Variants in PDE10A observed in about 807,000 individuals in gnomAD.
The protein encoded by PDE10A is cAMP and cAMP-inhibited cGMP 3',5'-cyclic phosphodiesterase 10A.
A neutral mutation model predicts 97.7 loss-of-function variants in PDE10A; 39 were observed. The ratio of observed to expected loss-of-function variants is 0.40; its 90% CI spans 0.31 to 0.52. PDE10A has a LOEUF of 0.52. Among genes scored for constraint, PDE10A ranks in the 20% least tolerant of loss-of-function variants. PDE10A has a pLI of 0.56. For synonymous variants in PDE10A, 371 were observed against 376.8 expected, an observed-to-expected ratio of 0.98 and a Z score of 0.18; for missense variants, 731 against 1,047.8, an observed-to-expected ratio of 0.70 and a Z score of 4.17.
chr6:165,885,922 A>T (rs918219305), intron 1 of PDE10A, among the ~76,000 whole-genome samples: 1 of 152,220 alleles, frequency 6.6e-6, no homozygotes, highest in African/African-American at 2.4e-5. Flanking sequence ...CTTACAGATA[A>T]GTAAGTTTAA....
chr6:165,751,437 G>A (rs561796077), intron 1 of PDE10A, among the ~76,000 whole-genome samples: 1 of 152,306 alleles, frequency 6.6e-6, no homozygotes, highest in African/African-American at 2.4e-5. Flanking sequence ...CCTTTGAGAT[G>A]AGGCCATGAA....
At position 165,398,190 on chromosome 6, in the gene PDE10A, A is replaced by C. The variant is rs541820883; in HGVS notation, c.2077-1731T>G. ...TGTTTGAGAAACATATTCCTTAAGA[A>C]GTATGTCGATCCAAATGGAATAAAG... On this transcript the variant is annotated intron_variant, in intron 13 of 21. Transcript: ENST00000539869. Among the ~76,000 whole-genome samples the C allele has an allele frequency of 3.9e-5, 6 of 152,288 alleles. No individual in the cohort carries two copies. In the East Asian group the frequency reaches 1.2e-3, roughly 29 times the overall value.
chr6:165,939,069 A>C (rs1339898945), intron 1 of PDE10A, among the ~76,000 whole-genome samples: 1 of 152,262 alleles, frequency 6.6e-6, no homozygotes, highest in Non-Finnish European at 1.5e-5. Flanking sequence ...CAAAGAATTA[A>C]TTAGAATATA....
At chr6:165,685,934 G>A (rs1481291748) in intron 1 of PDE10A, among the ~76,000 whole-genome samples, 1 of 152,110 alleles carries the variant, frequency 6.6e-6, no homozygotes, top group Non-Finnish European at 1.5e-5. Flanking sequence ...TGGACAAGTG[G>A]TAACAGAAGC....
chr6:165,854,197 G>C (rs905226498), intron 1 of PDE10A, among the ~76,000 whole-genome samples: 1 of 152,222 alleles, frequency 6.6e-6, no homozygotes, highest in Non-Finnish European at 1.5e-5. Flanking sequence ...TGATGAACCC[G>C]GAGACCCGGC....
intron 2 of PDE10A, among the ~76,000 whole-genome samples, chr6:165,522,090 G>C (rs1782162607): frequency 6.6e-6 from 1 of 152,048 alleles, no homozygotes; most frequent in African/African-American, 2.4e-5. Context: ...GGACACTTTT[G>C]CTGCTTCCAC....
Position 165,418,899 on chromosome 6 carries a change from A to T in PDE10A, c.1654-122T>A, listed in dbSNP as rs1788503411. On this transcript the variant is annotated intron_variant, in intron 10 of 21. Coordinates refer to ENST00000539869, the MANE Select transcript of PDE10A (RefSeq NM_001385079.1). This position sits in a 1 kb window ranked among gnomAD's most constrained non-coding sequence, Gnocchi z 4.8. ...TATACTCTAATTGGTTGGTATTAGC[A>T]TTATAAGTAAATAAATATACAAGTA... is the stretch of plus-strand genomic sequence containing the variant. 1 of 693,822 alleles carries T rather than the reference A, an allele frequency of 1.4e-6. No homozygotes were observed. Among genetic ancestry groups the T allele is most frequent in the Non-Finnish European group, 2.4e-6 (1 of 412,150 alleles). 43.0% of individuals were successfully genotyped at this position (693,822 alleles called of 1,614,324 possible).
In PDE10A at chr6:165,343,415, A is replaced by G. The variant is rs777144609; in HGVS notation, c.2871T>C (p.Asp957=). 6.2e-7 allele frequency: 1 copy of G among 1,613,490 alleles called. No homozygotes were observed. The highest frequency in any genetic ancestry group is 8.5e-7 in the Non-Finnish European group (1 of 1,179,472). ...LWPVTKLTAN[D]IYAEFWAEGD... ...CCTCAGCCCAGAATTCTGCATATATATCATTTGCCGTCAATTTTGTAACGG... is the reference window on the plus strand; with the variant it reads ...CCTCAGCCCAGAATTCTGCATATATGTCATTTGCCGTCAATTTTGTAACGG... Residue 957 remains aspartate (D), a synonymous_variant, in exon 19 of 22, where the codon GAT becomes GAC. Coordinates refer to ENST00000539869, the MANE Select transcript of PDE10A (RefSeq NM_001385079.1).
intron 1 of PDE10A, among the ~76,000 whole-genome samples, chr6:165,784,306 C>T (rs1340242519): frequency 1.3e-5 from 2 of 152,078 alleles, no homozygotes; most frequent in South Asian, 4.2e-4. Context: ...CCACTTCAGC[C>T]ATCCTAACCT....
intron 1 of PDE10A, among the ~76,000 whole-genome samples, chr6:165,577,950 C>A (rs896718722): frequency 3.9e-5 from 6 of 152,162 alleles, no homozygotes; most frequent in Non-Finnish European, 8.8e-5. Context: ...AAACATGGGC[C>A]CTGCCACTCC....
intron 1 of PDE10A, among the ~76,000 whole-genome samples, chr6:165,833,420 G>A (rs187538523): frequency 3.9e-5 from 6 of 152,358 alleles, no homozygotes; most frequent in African/African-American, 1.4e-4. Flanking sequence ...CAGAGAGGAC[G>A]CAGAGGAGGC....
chr6:165,578,715 G>A (rs1006119675), intron 1 of PDE10A, among the ~76,000 whole-genome samples: 4 of 151,980 alleles, frequency 2.6e-5, no homozygotes, highest in African/African-American at 4.8e-5. Context: ...TATAAAGTCC[G>A]TCTCTCCAAT....
At chr6:165,417,829 A>G (rs1416056715) in intron 11 of PDE10A, among the ~76,000 whole-genome samples, 1 of 152,214 alleles carries the variant, frequency 6.6e-6, no homozygotes, top group African/African-American at 2.4e-5. Flanking sequence ...CCAAATAAAC[A>G]GCAATCCTTA....
intron 1 of PDE10A, among the ~76,000 whole-genome samples, chr6:165,800,128 A>C (rs1443683110): frequency 1.3e-5 from 2 of 152,204 alleles, no homozygotes; most frequent in Admixed American, 6.5e-5. Context: ...TTACAGTTTC[A>C]TAAAACTAGG....
rs764615805 is a variant in PDE10A, at chr6:165,430,304, G to C, written c.1584C>G (p.Phe528Leu). The C allele has an allele frequency of 6.2e-7, 1 of 1,608,596 alleles. No homozygotes were observed. Among genetic ancestry groups the C allele is most frequent in the South Asian group, 1.1e-5 (1 of 90,752 alleles). The change falls in exon 9 of 22, where the codon TTC becomes TTG. Residue 528 changes from phenylalanine to leucine, a missense_variant. Physicochemically the swap from Phe to Leu is conservative, Grantham distance 22. Transcript: ENST00000539869. The part of the protein sequence containing the change: ...GLAKQTELND[F>L]LLDVSKTYFD... ...ACACTTACTTTGATACGTCGAGTAG[G>C]AAGTCATTCAATTCTGTCTGTTTGG...
intron 1 of PDE10A, among the ~76,000 whole-genome samples, chr6:165,898,942 T>G (rs1562788853): frequency 6.6e-6 from 1 of 152,246 alleles, no homozygotes; most frequent in Non-Finnish European, 1.5e-5. Context: ...TCTTTGGGTC[T>G]CTTCTCAAAA....
intron 3 of PDE10A, among the ~76,000 whole-genome samples, chr6:165,472,932 G>A (rs1046830762): frequency 2.6e-5 from 4 of 152,134 alleles, no homozygotes; most frequent in African/African-American, 9.7e-5. Context: ...AACAGTGTGT[G>A]TTAAGTGTCA....
intron 1 of PDE10A, among the ~76,000 whole-genome samples, chr6:165,696,688 G>A (rs763603916): frequency 2.6e-5 from 4 of 152,060 alleles, no homozygotes; most frequent in Admixed American, 6.5e-5. Context: ...AAAACAAAAC[G>A]GCAACAGAAA....
chr6:165,943,234 A>AGAAGGAAGGAAGGAAGGAAGGAAG (rs1192602938), intron 1 of PDE10A, among the ~76,000 whole-genome samples: 1 of 34,038 alleles, frequency 2.9e-5, no homozygotes, highest in African/African-American at 1.3e-4. Context: ...AAAGAAAGAA[A>AGAAGGAAGGAAGGAAGGAAGGAAG]GAAGGAAGGA....
Sources: allele counts gnomAD v4.1 joint callset (sites outside exome capture counted in the v4.1 genomes callset), GRCh38; gene constraint gnomAD v4.1.1; non-coding constraint Gnocchi (gnomAD v3.1); transcripts MANE v1.5; gene names NCBI Gene and HGNC (gene_info 2026-07-23, HGNC 2026-07-21).